The following PTK2 variants were observed in gnomAD, a reference collection of about 807,000 sequenced individuals.
PTK2 encodes focal adhesion kinase 1.
Under a neutral mutation model 150.1 loss-of-function variants are expected in PTK2, and 45 were observed. That is an observed-to-expected ratio of 0.30 (90% confidence interval 0.24 to 0.38). The LOEUF is 0.38. Ranked by LOEUF, PTK2 falls within the 10% of genes least tolerant of loss-of-function variation. The pLI is 1.00. For synonymous variants in PTK2, 432 were observed against 449.2 expected (o/e 0.96, Z 0.48); for missense variants, 919 against 1,307.3 (o/e 0.70, Z 4.58).
chr8:140,687,951 A>G (rs1344587565), intron 26 of PTK2, among the ~76,000 whole-genome samples: 2 of 152,150 alleles, frequency 1.3e-5, no homozygotes, highest in Non-Finnish European at 2.9e-5. Flanking sequence ...GAGGTCTGAG[A>G]ACAGCTCCTA....
intron 2 of PTK2, among the ~76,000 whole-genome samples, chr8:140,906,090 A>G (rs1409882676): frequency 1.8e-5 from 1 of 55,468 alleles, no homozygotes; most frequent in Non-Finnish European, 7.2e-5. Flanking sequence ...GAAGACATAC[A>G]AAAGGCCAAT....
chr8:140,896,533 G>A (rs1273895099), intron 2 of PTK2, among the ~76,000 whole-genome samples: 1 of 152,124 alleles, frequency 6.6e-6, no homozygotes, highest in Non-Finnish European at 1.5e-5. Context: ...CAGCTACCTC[G>A]ATACATGCAG....
chr8:140,897,796 C>A (rs1371352835), intron 2 of PTK2, among the ~76,000 whole-genome samples: 3 of 152,200 alleles, frequency 2.0e-5, no homozygotes, highest in African/African-American at 7.2e-5. Flanking sequence ...GCTGGGGCTG[C>A]CAATTCTTTG....
intron 23 of PTK2, among the ~76,000 whole-genome samples, chr8:140,707,606 T>C (rs1158657072): frequency 1.3e-5 from 2 of 152,122 alleles, no homozygotes; most frequent in Non-Finnish European, 2.9e-5. Context: ...GGTTTTGCCA[T>C]GTTGGCCAGG....
At chr8:140,955,003 C>T (rs148884009) in intron 1 of PTK2, among the ~76,000 whole-genome samples, 365 of 151,858 alleles carry the variant, frequency 2.4e-3, no homozygotes, top group African/African-American at 8.3e-3. Flanking sequence ...TCTTCAAACC[C>T]GTATTTTAGT....
At chr8:140,896,526 C>G (rs1188953499) in intron 2 of PTK2, among the ~76,000 whole-genome samples, 1 of 152,192 alleles carries the variant, frequency 6.6e-6, no homozygotes, top group Non-Finnish European at 1.5e-5. Context: ...GAAGAGCCAG[C>G]TACCTCGATA....
chr8:140,918,155 T>C (rs78304049), intron 2 of PTK2, among the ~76,000 whole-genome samples: 2,975 of 152,242 alleles, frequency 0.02, 104 homozygotes, highest in African/African-American at 0.067. Context: ...ATGATGGTTC[T>C]AGGAAGGTGC....
At chr8:140,761,886 TATACTTTTG>T (rs775603472) in intron 15 of PTK2, among the ~76,000 whole-genome samples, 5 of 152,114 alleles carry the variant, frequency 3.3e-5, no homozygotes, top group Non-Finnish European at 7.4e-5. Flanking sequence ...AAATCATAAA[TATACTTTTG>T]AGACCATGTG....
chr8:141,001,114 C>G lies in PTK2; in HGVS notation c.-122+11G>C, dbSNP rs1426254619. ...CCGACCCGCGCCCCGCGCCCGGCGC[C>G]CCGCACTCACTCGGACCGCGGCTCG... On this transcript the variant is annotated intron_variant, in intron 1 of 31. Transcript: ENST00000522684. 1 of 151,640 alleles carries G rather than the reference C, an allele frequency of 6.6e-6. No individual in the cohort carries two copies. Among genetic ancestry groups the G allele is most frequent in the East Asian group, 1.9e-4 (1 of 5,144 alleles). 9.4% of individuals were successfully genotyped at this position (151,640 alleles called of 1,614,324 possible). A position where few individuals can be genotyped will look rare whatever the true frequency, so the allele number is the denominator to read the frequency against.
chr8:140,902,933 T>TTTTTG (rs2100159197), intron 2 of PTK2, among the ~76,000 whole-genome samples: 11 of 108,778 alleles, frequency 1.0e-4, no homozygotes, highest in Non-Finnish European at 1.5e-4. Flanking sequence ...TGTTTTTTTT[T>TTTTTG]TTTTTTTTTT....
chr8:140,845,925 A>G (rs2100125141), intron 7 of PTK2, among the ~76,000 whole-genome samples: 1 of 152,214 alleles, frequency 6.6e-6, no homozygotes, highest in Admixed American at 6.5e-5. Flanking sequence ...AACAATCTGT[A>G]GTAACTTATA....
At chr8:140,969,697 T>C (rs947128651) in intron 1 of PTK2, among the ~76,000 whole-genome samples, 3 of 152,216 alleles carry the variant, frequency 2.0e-5, no homozygotes, top group Admixed American at 2.0e-4. Context: ...CTTTCTCTTA[T>C]TTATGCTCAC....
At position 140,697,737 on chromosome 8, in the gene PTK2, C is replaced by CAT. The variant is rs113912742; in HGVS notation, c.2499+3152_2499+3153dup. The stretch of plus-strand genomic sequence containing the variant: ...GTCTTTTTTTCTTTTGTCTATCATT[C>CAT]ATATATATTTCTGTTCCTTTGTATG... On this transcript the variant is annotated intron_variant, in intron 26 of 31. Transcript: ENST00000522684. 4.7e-3 allele frequency among the ~76,000 whole-genome samples: 717 copies of CAT among 151,286 alleles called. 9 individuals carry two copies. The highest frequency in any genetic ancestry group is 0.016 in the African/African-American group (647 of 41,242).
intron 1 of PTK2, among the ~76,000 whole-genome samples, chr8:140,975,655 T>C (rs2100189009): frequency 6.6e-6 from 1 of 152,282 alleles, no homozygotes; most frequent in South Asian, 2.1e-4. Flanking sequence ...CGATAGGCTG[T>C]ATGTGTATAT....
chr8:140,846,419 A>G (rs2100125518), intron 6 of PTK2, 97 bp from the exon 7 acceptor site: 1 of 1,295,884 alleles, frequency 7.7e-7, no homozygotes, highest in African/African-American at 1.5e-5. Context: ...AATAATAAAC[A>G]AAAATTAACA....
At chr8:140,813,792 G>T (rs2100103008) in intron 10 of PTK2, among the ~76,000 whole-genome samples, 1 of 151,722 alleles carries the variant, frequency 6.6e-6, no homozygotes, top group South Asian at 2.1e-4. Context: ...AAGAAGAAAA[G>T]AACTAACCAA....
At chr8:140,659,646 G>T in exon 32 of PTK2, 1 of 1,614,152 alleles carries the variant, frequency 6.2e-7, no homozygotes. Context: ...GCTCACCCAG[G>T]TCAGAGTTCA....
chr8:140,732,358 T>A (rs2100049935), intron 22 of PTK2, among the ~76,000 whole-genome samples: 1 of 152,238 alleles, frequency 6.6e-6, no homozygotes, highest in South Asian at 2.1e-4. Flanking sequence ...AAGATATCCA[T>A]AAATTATACT....
At chr8:140,688,799 T>C (rs577877101) in intron 26 of PTK2, among the ~76,000 whole-genome samples, 13 of 152,306 alleles carry the variant, frequency 8.5e-5, no homozygotes, top group African/African-American at 2.4e-4. Flanking sequence ...CTTAAAACAT[T>C]GTACTGTGTT....
Sources: gnomAD v4.1 joint callset for allele counts (sites outside exome capture counted in the v4.1 genomes callset) on GRCh38, gnomAD v4.1.1 for gene constraint, MANE v1.5 for transcripts, NCBI Gene and HGNC (gene_info 2026-07-23, HGNC 2026-07-21) for gene names.